STX8: variants seen among roughly 807,000 people sequenced by gnomAD.
STX8 encodes the protein syntaxin 8, also known as syntaxin-8.
In STX8, 23 loss-of-function variants were observed where a neutral mutation model predicts 37.5. The ratio of observed to expected loss-of-function variants is 0.61; its 90% CI spans 0.44 to 0.87. The LOEUF is 0.87. STX8 is among the 40% of genes least tolerant of loss of function. The probability of loss-of-function intolerance (pLI) is 0.00; values close to 1 mark genes in which losing one functional copy is unlikely to be tolerated. For synonymous variants in STX8, 115 were observed against 99.1 expected, an observed-to-expected ratio of 1.16 and a Z score of -0.95; for missense variants, 313 against 284.7, an observed-to-expected ratio of 1.10 and a Z score of -0.71.
chr17:9,429,291 AAT>A (rs1913755223), intron 6 of STX8, among the ~76,000 whole-genome samples: 1 of 146,536 alleles, frequency 6.8e-6, no homozygotes, highest in Non-Finnish European at 1.5e-5. Flanking sequence ...TTATATATAA[AAT>A]ATATAAATAC....
chr17:9,347,020 G>C (rs1039048107), intron 7 of STX8, among the ~76,000 whole-genome samples: 10 of 151,990 alleles, frequency 6.6e-5, no homozygotes, highest in Admixed American at 4.6e-4. Flanking sequence ...CCAGTTACTC[G>C]GGAGGCTGAG....
At chr17:9,266,443 G>C (rs1347662223) in intron 7 of STX8, among the ~76,000 whole-genome samples, 3 of 152,194 alleles carry the variant, frequency 2.0e-5, no homozygotes, top group African/African-American at 7.2e-5. Context: ...ACGCTTGCCT[G>C]TATTAGCGGC....
chr17:9,409,137 T>G (rs556568553), intron 6 of STX8, among the ~76,000 whole-genome samples: 1 of 139,588 alleles, frequency 7.2e-6, no homozygotes, highest in Non-Finnish European at 1.5e-5. Flanking sequence ...GCTCCACACC[T>G]CAAATCTAAC....
At chr17:9,464,484 G>A (rs1302889452) in intron 6 of STX8, among the ~76,000 whole-genome samples, 1 of 152,170 alleles carries the variant, frequency 6.6e-6, no homozygotes, top group African/African-American at 2.4e-5. Flanking sequence ...AATAGCACAA[G>A]AAGGGAAGAA....
chr17:9,426,334 C>A lies in STX8; in HGVS notation c.542-47681G>T, dbSNP rs1182145034. Among the ~76,000 whole-genome samples, 14 of 152,226 alleles carry A rather than the reference C, an allele frequency of 9.2e-5. No homozygotes were observed. In the South Asian group the frequency reaches 2.9e-3, roughly 32 times the overall value. On this transcript the variant is annotated intron_variant, in intron 6 of 7. Coordinates refer to ENST00000306357, the MANE Select transcript of STX8 (RefSeq NM_004853.3). Reference sequence around the variant, plus strand: ...CTGAGGTCAGGAGTTTGAGACCAGCCTGGCCAACATGGCGAAACCCTGTCT... The same window carrying A: ...CTGAGGTCAGGAGTTTGAGACCAGCATGGCCAACATGGCGAAACCCTGTCT...
At chr17:9,401,004 CTT>C (rs1459356265) in intron 6 of STX8, among the ~76,000 whole-genome samples, 2 of 152,114 alleles carry the variant, frequency 1.3e-5, no homozygotes, top group Non-Finnish European at 2.9e-5. Flanking sequence ...ACTCTGCTCT[CTT>C]TGAAAAATAG....
intron 6 of STX8, among the ~76,000 whole-genome samples, chr17:9,487,544 ACT>A (rs10559116): frequency 3.2e-3 from 492 of 152,190 alleles, no homozygotes; most frequent in African/African-American, 0.011. Context: ...AAAATGGCTG[ACT>A]CTGCCCTATC....
In STX8 at chr17:9,415,756, A is replaced by G. The variant is rs186458845; in HGVS notation, c.542-37103T>C. ...TGCACTCCAGCCTGACTGACAGGGC[A>G]AGACTCCGTCTCAACAACAACAACA... On this transcript the variant is annotated intron_variant, in intron 6 of 7. Transcript: ENST00000306357. Among the ~76,000 whole-genome samples, 200 of 152,214 alleles carry G rather than the reference A, an allele frequency of 1.3e-3. 2 individuals are homozygous for G. The highest frequency in any genetic ancestry group is 4.6e-3 in the African/African-American group (191 of 41,538).
intron 2 of STX8, 31 bp downstream of exon 2, chr17:9,568,340 T>C: frequency 1.9e-6 from 3 of 1,563,814 alleles, no homozygotes; most frequent in Non-Finnish European, 2.6e-6. Context: ...CTCAAACAAA[T>C]CATTGGGTAC....
chr17:9,506,332 A>T (rs770265447), intron 4 of STX8, among the ~76,000 whole-genome samples: 1 of 150,236 alleles, frequency 6.7e-6, no homozygotes, highest in Non-Finnish European at 1.5e-5. Flanking sequence ...CAACAGATTC[A>T]TGAAAAATCA....
intron 6 of STX8, among the ~76,000 whole-genome samples, chr17:9,446,928 T>C (rs1284588924): frequency 6.6e-6 from 1 of 152,216 alleles, no homozygotes; most frequent in Non-Finnish European, 1.5e-5. Context: ...AGGTAATTAA[T>C]CTTGATTTGA....
At chr17:9,405,628 C>G (rs771125254) in intron 6 of STX8, among the ~76,000 whole-genome samples, 1 of 152,172 alleles carries the variant, frequency 6.6e-6, no homozygotes, top group Non-Finnish European at 1.5e-5. Flanking sequence ...GCCTTAAATT[C>G]TGATGCTTGA....
intron 6 of STX8, among the ~76,000 whole-genome samples, chr17:9,399,912 A>G (rs964191507): frequency 6.6e-6 from 1 of 151,574 alleles, no homozygotes; most frequent in Non-Finnish European, 1.5e-5. Context: ...AGATCATTCA[A>G]GTTTACTCCA....
chr17:9,431,239 GTTT>G (rs35452165), intron 6 of STX8, among the ~76,000 whole-genome samples: 2 of 120,760 alleles, frequency 1.7e-5, no homozygotes, highest in Non-Finnish European at 3.4e-5. Flanking sequence ...TTATTTTTCT[GTTT>G]TTTTTTTTAG....
intron 6 of STX8, among the ~76,000 whole-genome samples, chr17:9,456,789 T>C (rs1245735300): frequency 6.6e-6 from 1 of 152,120 alleles, no homozygotes; most frequent in Non-Finnish European, 1.5e-5. Flanking sequence ...CCAAACATCT[T>C]TTGTGTCTTT....
intron 4 of STX8, among the ~76,000 whole-genome samples, chr17:9,528,846 T>G (rs1251179065): frequency 6.6e-6 from 1 of 150,452 alleles, no homozygotes; most frequent in Non-Finnish European, 1.5e-5. Context: ...AATCAAGAAA[T>G]GCCAAAATCA....
chr17:9,268,664 G>A (rs1242637137), intron 7 of STX8, among the ~76,000 whole-genome samples: 1 of 152,180 alleles, frequency 6.6e-6, no homozygotes, highest in Non-Finnish European at 1.5e-5. Flanking sequence ...TGTTAGTGTG[G>A]CAGCAAACAG....
chr17:9,489,034 G>A (rs908943555), intron 6 of STX8, among the ~76,000 whole-genome samples: 1 of 152,050 alleles, frequency 6.6e-6, no homozygotes, highest in Non-Finnish European at 1.5e-5. Context: ...CTGCCACCAC[G>A]CCCGGCTAAT....
At chr17:9,433,899 G>C (rs1158462362) in intron 6 of STX8, among the ~76,000 whole-genome samples, 1 of 152,156 alleles carries the variant, frequency 6.6e-6, no homozygotes, top group African/African-American at 2.4e-5. Flanking sequence ...CATAAGCAAG[G>C]AGAACAGCAC....
Sources: allele counts gnomAD v4.1 joint callset (sites outside exome capture counted in the v4.1 genomes callset), GRCh38; gene constraint gnomAD v4.1.1; transcripts MANE v1.5; gene names NCBI Gene and HGNC (gene_info 2026-07-23, HGNC 2026-07-21).